The following TMEM235 variants were observed in gnomAD, a reference collection of about 807,000 sequenced individuals.
TMEM235 encodes the protein claudin-27.
In TMEM235, 23 loss-of-function variants were observed where a neutral mutation model predicts 22.9. The ratio of observed to expected loss-of-function variants is 1.00; its 90% CI spans 0.72 to 1.42. The LOEUF (loss-of-function observed/expected upper bound fraction) is 1.42, where lower values mean the gene tolerates loss of function less well. Ranked by LOEUF, TMEM235 falls within the 40% of genes most tolerant of loss-of-function variation. The pLI is 0.00. For synonymous variants in TMEM235, 137 were observed against 140.5 expected, an observed-to-expected ratio of 0.98 and a Z score of 0.17; for missense variants, 308 against 299.5, an observed-to-expected ratio of 1.03 and a Z score of -0.21.
In TMEM235 at chr17:78,238,076, C is replaced by T. The variant is rs564964818; in HGVS notation, c.410-948C>T. ...AAATCAGGGCCACCTGCCCCCCTGG[C>T]TAACATTCCCTACAGTCGGCGCCAA... is the stretch of plus-strand genomic sequence containing the variant. On this transcript the variant is annotated intron_variant, in intron 4 of 5. Coordinates refer to ENST00000421688, the Ensembl canonical transcript of TMEM235. The surrounding 1 kb of genome is among the most constrained non-coding windows in gnomAD (Gnocchi z 4.3). 6.6e-6 allele frequency among the ~76,000 whole-genome samples: 1 copy of T among 152,338 alleles called. No homozygotes were observed. The highest frequency in any genetic ancestry group is 6.5e-5 in the Admixed American group (1 of 15,310).
intron 5 of TMEM235, 139 bp downstream of exon 4, chr17:78,239,412 A>T: frequency 1.9e-6 from 2 of 1,072,266 alleles, no homozygotes; most frequent in Non-Finnish European, 2.6e-6. Context: ...CAAGGGGTGG[A>T]GGGCAGAGCC....
chr17:78,239,716 C>T (rs2076687266), intron 5 of TMEM235, 64 bp from the exon 5 acceptor site: 6 of 1,495,640 alleles, frequency 4.0e-6, no homozygotes, highest in Non-Finnish European at 5.4e-6. Flanking sequence ...CAGGACTGGG[C>T]TCCATGCTCC....
chr17:78,231,994 C>A lies in TMEM235; in HGVS notation c.-30C>A, dbSNP rs1467763128. 7 of 1,205,936 alleles carry A rather than the reference C, an allele frequency of 5.8e-6. No individual in the cohort carries two copies. The South Asian group carries it at 9.4e-5, about 16-fold the overall frequency. The allele number at this position is 1,205,936 out of a possible 1,614,324, so 74.7% of individuals were successfully genotyped here. ...CGCCGCCCCCGGGGCCCTGCTACCC[C>A]CGACCCGTCCCCTCCCGCCGGCCGC... On this transcript the variant is annotated 5_prime_UTR_variant, in exon 2 of 6. Coordinates refer to ENST00000421688, the Ensembl canonical transcript of TMEM235.
rs2076688099 is a variant in TMEM235, at chr17:78,239,770, C to G, written c.660-10C>G. The G allele has an allele frequency of 6.5e-7, 1 of 1,537,958 alleles. No homozygotes were observed. On this transcript the variant is annotated splice_polypyrimidine_tract_variant and intron_variant, in intron 5 of 5. Transcript: ENST00000421688. ...CCCTACTCAATGACTACCCTTTATC[C>G]ATTTTACAGAGGGGGAGACTGAGGC...
rs917907177 is a variant in TMEM235, at chr17:78,234,082, G to A, written c.271+107G>A. 51 of 1,044,954 alleles carry A rather than the reference G, an allele frequency of 4.9e-5. No individual in the cohort carries two copies. The African/African-American group carries it at 6.7e-4, about 14-fold the overall frequency. 64.7% of individuals were successfully genotyped at this position (1,044,954 alleles called of 1,614,324 possible). ...GCAGCACTGCTTCCACTGCCCCTGC[G>A]TTTCCAAGAGGACGTTTCCACGCAG... On this transcript the variant is annotated intron_variant, in intron 3 of 5. Transcript: ENST00000421688.
rs945171411 is a variant in TMEM235, at chr17:78,238,821, C to G, written c.410-203C>G. Among the ~76,000 whole-genome samples the G allele has an allele frequency of 2.0e-5, 3 of 151,950 alleles. No individual in the cohort carries two copies. Among genetic ancestry groups the G allele is most frequent in the African/African-American group, 7.3e-5 (3 of 41,352 alleles). ...TGACTACCTTTAGCCCTGTCCAACC[C>G]CAAGCAGGAGGTGGTGTCTGGGAGA... On this transcript the variant is annotated intron_variant, in intron 4 of 5. Transcript: ENST00000421688. The surrounding 1 kb of genome is among the most constrained non-coding windows in gnomAD (Gnocchi z 4.3).
Position 78,237,124 on chromosome 17 carries a change from T to G in TMEM235, c.410-1900T>G, listed in dbSNP as rs2076653372. ...GCTGGTGGATGGGTGGGGGTTCCAC[T>G]GCGACTCCAGCCTCCCCAGGCAGAG... On this transcript the variant is annotated intron_variant, in intron 4 of 5. Transcript: ENST00000421688. The surrounding 1 kb of genome is among the most constrained non-coding windows in gnomAD (Gnocchi z 4.7). Among the ~76,000 whole-genome samples, 1 of 152,086 alleles carries G rather than the reference T, an allele frequency of 6.6e-6. No individual in the cohort carries two copies. Among genetic ancestry groups the G allele is most frequent in the Non-Finnish European group, 1.5e-5 (1 of 67,992 alleles).
intron 2 of TMEM235, 35 bp downstream of exon 1, chr17:78,232,248 C>A (rs1049637849): frequency 3.5e-5 from 50 of 1,419,044 alleles, no homozygotes; most frequent in Non-Finnish European, 4.3e-5. Flanking sequence ...CCTCCCTCCG[C>A]GACCTCGTCC....
In TMEM235 at chr17:78,238,267, C is replaced by T. The variant is rs1323632268; in HGVS notation, c.410-757C>T. ...CGGATGAAGCCTGGTGCCCGCCACC[C>T]TGTGCAAAGCCCAGCTTCATTCCTT... On this transcript the variant is annotated intron_variant, in intron 4 of 5. Coordinates refer to ENST00000421688, the Ensembl canonical transcript of TMEM235. The surrounding 1 kb of genome is among the most constrained non-coding windows in gnomAD (Gnocchi z 4.3). 6.6e-6 allele frequency among the ~76,000 whole-genome samples: 1 copy of T among 152,218 alleles called. No homozygotes were observed. The highest frequency in any genetic ancestry group is 6.5e-5 in the Admixed American group (1 of 15,288).
At chr17:78,239,803 G>C in exon 6 of TMEM235, 2 of 1,549,062 alleles carry the variant, frequency 1.3e-6, no homozygotes, top group South Asian at 1.2e-5. Context: ...GGCCCAGAGC[G>C]GCAGAGGGAC....
At position 78,232,168 on chromosome 17, in the gene TMEM235, G is replaced by C. The variant is rs1321668072; in HGVS notation, c.145G>C (p.Ala49Pro). Reference sequence around the variant, plus strand: ...CAATGGCAGCGCCTGGCCCGGGCGCGCAGAGCTGCTCTCCTCGCACTCGGG... The same window carrying C: ...CAATGGCAGCGCCTGGCCCGGGCGCCCAGAGCTGCTCTCCTCGCACTCGGG... Residue 49 changes from alanine (A) to proline (P), a missense_variant, in exon 2 of 6, where the codon GCA becomes CCA. By Grantham distance (27) the Ala-to-Pro change is conservative (BLOSUM62 -1). Coordinates refer to ENST00000421688, the Ensembl canonical transcript of TMEM235. 3.4e-6 allele frequency: 5 copies of C among 1,487,980 alleles called. No homozygotes were observed. In the East Asian group the frequency reaches 1.4e-4, roughly 43 times the overall value. The allele number at this position is 1,487,980 out of a possible 1,614,324, so 92.2% of individuals were successfully genotyped here.
rs1160955028 is a variant in TMEM235 at position 78,237,314 on chromosome 17, TC to T, written c.410-1707del. 3.3e-5 allele frequency among the ~76,000 whole-genome samples: 5 copies of T among 151,878 alleles called. No individual in the cohort carries two copies. The highest frequency in any genetic ancestry group is 7.3e-5 in the African/African-American group (3 of 41,326). On this transcript the variant is annotated intron_variant, in intron 4 of 5. Transcript: ENST00000421688. This position sits in a 1 kb window ranked among gnomAD's most constrained non-coding sequence, Gnocchi z 4.7. ...GGGCCCCAGATCGATTGGGTGCCCTTCCCTGAGACAGGATCTTGGGGGGCCT... is the reference window on the plus strand; with the variant it reads ...GGGCCCCAGATCGATTGGGTGCCCTTCCTGAGACAGGATCTTGGGGGGCCT...
rs892039338 is a variant in TMEM235 at position 78,237,216 on chromosome 17, C to T, written c.410-1808C>T. ...CACAGAGGGCTCTCAGGATGTCACA[C>T]CAAAGGCACCTGCCCAGGGTCAGCT... On this transcript the variant is annotated intron_variant, in intron 4 of 5. Coordinates refer to ENST00000421688, the Ensembl canonical transcript of TMEM235. The surrounding 1 kb of genome is among the most constrained non-coding windows in gnomAD (Gnocchi z 4.7). 2.0e-5 allele frequency among the ~76,000 whole-genome samples: 3 copies of T among 152,132 alleles called. No homozygotes were observed. Among genetic ancestry groups the T allele is most frequent in the Non-Finnish European group, 4.4e-5 (3 of 68,012 alleles).
exon 2 of TMEM235, chr17:78,231,942 C>CCCCGGTT (rs2076584916): frequency 9.8e-7 from 1 of 1,019,536 alleles, no homozygotes; most frequent in Non-Finnish European, 1.2e-6. Context: ...GCCCCCCGTC[C>CCCCGGTT]CCCGGCTCCC....
At chr17:78,234,434 A>G in intron 3 of TMEM235, 159 bp from the exon 3 acceptor site, 8 of 1,100,082 alleles carry the variant, frequency 7.3e-6, no homozygotes, top group Non-Finnish European at 1.1e-5. Flanking sequence ...CCCCTGCCAG[A>G]GTCAGAGGGG....
In TMEM235 at chr17:78,238,400, G is replaced by A. The variant is rs1380411330; in HGVS notation, c.410-624G>A. Among the ~76,000 whole-genome samples the A allele has an allele frequency of 6.6e-6, 1 of 152,084 alleles. No homozygotes were observed. Among genetic ancestry groups the A allele is most frequent in the Non-Finnish European group, 1.5e-5 (1 of 68,002 alleles). The stretch of plus-strand genomic sequence containing the variant: ...TGAAACTCAGAGCTGGGAGGACAGG[G>A]GGGCTCTGGAAGGGGAGTCAGAGGG... On this transcript the variant is annotated intron_variant, in intron 4 of 5. Transcript: ENST00000421688. The surrounding 1 kb of genome is among the most constrained non-coding windows in gnomAD (Gnocchi z 4.3).
exon 6 of TMEM235, chr17:78,240,785 A>G (rs1352202618): frequency 6.6e-6 from 1 of 152,090 alleles, no homozygotes; most frequent in Admixed American, 6.5e-5. Context: ...AGTGAGGACA[A>G]ATCTGGGGGG....
At chr17:78,240,385 G>C (rs2081109325) in exon 6 of TMEM235, 1 of 177,958 alleles carries the variant, frequency 5.6e-6, no homozygotes, top group Non-Finnish European at 1.2e-5. Flanking sequence ...CCCAGGTTGG[G>C]AGGGGCTCAG....
chr17:78,240,071 T>G, exon 6 of TMEM235: 51 of 1,427,168 alleles, frequency 3.6e-5, no homozygotes, highest in Non-Finnish European at 4.5e-5. Context: ...CCCAGATCTC[T>G]GTCCTTGTCC....
Sources: gnomAD v4.1 joint callset for allele counts (sites outside exome capture counted in the v4.1 genomes callset) on GRCh38, gnomAD v4.1.1 for gene constraint, Gnocchi (gnomAD v3.1) non-coding constraint, MANE v1.5 for transcripts, NCBI Gene and HGNC (gene_info 2026-07-23, HGNC 2026-07-21) for gene names.